Variants in KIF13B observed in about 807,000 individuals in gnomAD.
KIF13B encodes the protein kinesin-like protein KIF13B.
KIF13B carries 127 observed loss-of-function variants against 222.0 expected under a neutral mutation model. The ratio of observed to expected loss-of-function variants is 0.57; its 90% CI spans 0.50 to 0.66. The LOEUF is 0.66. KIF13B is among the 30% of genes least tolerant of loss of function. KIF13B has a pLI of 0.00. For synonymous variants in KIF13B, 976 were observed against 919.0 expected, an observed-to-expected ratio of 1.06 and a Z score of -1.12; for missense variants, 2,173 against 2,379.0, an observed-to-expected ratio of 0.91 and a Z score of 1.80.
At chr8:29,172,940 T>C (rs531021905) in intron 10 of KIF13B, among the ~76,000 whole-genome samples, 1 of 148,762 alleles carries the variant, frequency 6.7e-6, no homozygotes, top group Admixed American at 6.7e-5. Context: ...TTTGAGAGGG[T>C]TGTCTTACTC....
chr8:29,235,756 T>A (rs1160201357), intron 2 of KIF13B, among the ~76,000 whole-genome samples: 1 of 152,170 alleles, frequency 6.6e-6, no homozygotes, highest in Non-Finnish European at 1.5e-5. Flanking sequence ...TGCTCTAGAT[T>A]TGAAAGAGAT....
intron 35 of KIF13B, among the ~76,000 whole-genome samples, chr8:29,106,087 T>A (rs1043202051): frequency 8.5e-5 from 13 of 152,194 alleles, no homozygotes; most frequent in African/African-American, 3.1e-4. Flanking sequence ...GATATTTTAC[T>A]TACATTAAAA....
At chr8:29,178,426 C>T (rs1812572373) in intron 8 of KIF13B, among the ~76,000 whole-genome samples, 1 of 151,994 alleles carries the variant, frequency 6.6e-6, no homozygotes, top group Admixed American at 6.5e-5. Flanking sequence ...ATATTATATA[C>T]ATACAGATAC....
In KIF13B at chr8:29,109,950, C is replaced by G. The variant is rs1395919144; in HGVS notation, c.4051G>C (p.Glu1351Gln). Residue 1351 changes from glutamate (E) to glutamine (Q), a missense_variant, in exon 33 of 40, where the codon GAA becomes CAA. Physicochemically the swap from Glu to Gln is conservative, Grantham distance 29 (BLOSUM62 2). Around this residue, in one of 2 missense-constraint regions of KIF13B, gnomAD observed 1,480 missense variants for 1,722.8 expected, o/e 0.86. Transcript: ENST00000524189. ...EKYLRSVLAV[E>Q]NLLTLDRLRQ... ...AGACGATCTAAAGTCAGGAGGTTTT[C>G]TACAGCCAGCACGCTCCTGAGGTAC... 1 of 1,613,560 alleles carries G rather than the reference C, an allele frequency of 6.2e-7. No individual in the cohort carries two copies. Among genetic ancestry groups the G allele is most frequent in the Middle Eastern group, 1.7e-4 (1 of 6,042 alleles).
At chr8:29,195,879 G>C (rs1184181386) in intron 3 of KIF13B, among the ~76,000 whole-genome samples, 1 of 152,224 alleles carries the variant, frequency 6.6e-6, no homozygotes, top group African/African-American at 2.4e-5. Flanking sequence ...GGAGCAGAGA[G>C]GATGAGTCGG....
Position 29,191,064 on chromosome 8 carries a change from A to G in KIF13B, c.163-7T>C, listed in dbSNP as rs114403799. ...AATGATCATAAGCAAACACCTGTTG[A>G]AAATGAACATAAGTGTGTGTTAAGA... On this transcript the variant is annotated splice_polypyrimidine_tract_variant and splice_region_variant and intron_variant, in intron 3 of 39. Transcript: ENST00000524189. 1,111 of 1,604,032 alleles carry G rather than the reference A, an allele frequency of 6.9e-4. 3 individuals carry two copies. The African/African-American group carries it at 0.012, about 17-fold the overall frequency.
chr8:29,173,630 A>AG (rs1253831532), intron 10 of KIF13B, among the ~76,000 whole-genome samples: 1 of 151,808 alleles, frequency 6.6e-6, no homozygotes, highest in Non-Finnish European at 1.5e-5. Context: ...CAAAAAAAAA[A>AG]AGACTTCTTC....
chr8:29,168,462 T>C (rs985161329), intron 10 of KIF13B, among the ~76,000 whole-genome samples: 10 of 152,252 alleles, frequency 6.6e-5, no homozygotes, highest in African/African-American at 2.2e-4. Flanking sequence ...TCTGCTTCCC[T>C]TGAGGGTGGC....
chr8:29,133,458 G>A (rs1190223085), intron 22 of KIF13B, among the ~76,000 whole-genome samples: 2 of 152,184 alleles, frequency 1.3e-5, no homozygotes, highest in Non-Finnish European at 2.9e-5. Context: ...GCGCATGGTG[G>A]CAAGCACCTG....
At chr8:29,168,284 G>A (rs1023356367) in intron 10 of KIF13B, among the ~76,000 whole-genome samples, 4 of 152,190 alleles carry the variant, frequency 2.6e-5, no homozygotes, top group South Asian at 2.1e-4. Context: ...CTTTAGGACC[G>A]ACTGGCTTCC....
chr8:29,190,492 T>C (rs4732916), intron 4 of KIF13B: 134,873 of 157,874 alleles, frequency 0.85, 58,299 homozygotes, highest in Non-Finnish European at 0.9. Flanking sequence ...CCCTTCCAGA[T>C]CTCACCCTCT....
intron 12 of KIF13B, among the ~76,000 whole-genome samples, chr8:29,164,711 A>C (rs926714443): frequency 2.0e-5 from 3 of 152,168 alleles, no homozygotes; most frequent in Non-Finnish European, 4.4e-5. Context: ...ACATTACCAT[A>C]TGTATTTCTA....
At chr8:29,142,725 G>T (rs180864766) in intron 18 of KIF13B, among the ~76,000 whole-genome samples, 23 of 152,246 alleles carry the variant, frequency 1.5e-4, no homozygotes, top group African/African-American at 5.5e-4. Flanking sequence ...TGTAATGCCA[G>T]CTACTTGGGA....
At position 29,224,282 on chromosome 8, in the gene KIF13B, C is replaced by T. The variant is rs1376752094; in HGVS notation, c.149+21064G>A. Among the ~76,000 whole-genome samples, 7 of 152,162 alleles carry T rather than the reference C, an allele frequency of 4.6e-5. No individual in the cohort carries two copies. The East Asian group carries it at 9.6e-4, about 21-fold the overall frequency. On this transcript the variant is annotated intron_variant, in intron 2 of 39. Transcript: ENST00000524189. ...CCTCCCAAAGTGCTGGAATTACAGG[C>T]GTGAGCCACCGCGCCCGGCCTCAGT...
intron 8 of KIF13B, among the ~76,000 whole-genome samples, chr8:29,179,508 T>C (rs547010840): frequency 6.6e-6 from 1 of 152,000 alleles, no homozygotes; most frequent in South Asian, 2.1e-4. Flanking sequence ...TCGGTGCACT[T>C]AACTTCTGCT....
chr8:29,125,021 G>A (rs916226578), intron 26 of KIF13B, among the ~76,000 whole-genome samples: 1 of 152,194 alleles, frequency 6.6e-6, no homozygotes, highest in African/African-American at 2.4e-5. Context: ...CTGCACTATG[G>A]TCTGGGTGGT....
chr8:29,181,686 A>C (rs889554389), intron 7 of KIF13B, among the ~76,000 whole-genome samples: 7 of 152,188 alleles, frequency 4.6e-5, no homozygotes, highest in Non-Finnish European at 1.0e-4. Flanking sequence ...TTCCAAACCC[A>C]CTTTAGATTC....
chr8:29,126,234 C>T (rs1030339751), intron 26 of KIF13B, among the ~76,000 whole-genome samples: 2 of 152,176 alleles, frequency 1.3e-5, no homozygotes, highest in Non-Finnish European at 2.9e-5. Flanking sequence ...AACGGATCTT[C>T]AGGGAGCCTG....
At position 29,150,355 on chromosome 8, in the gene KIF13B, TG is replaced by T; in HGVS notation, c.1563del (p.Ser522ValfsTer41). 1 of 1,588,058 alleles carries T rather than the reference TG, an allele frequency of 6.3e-7. No individual in the cohort carries two copies. The highest frequency in any genetic ancestry group is 8.6e-7 in the Non-Finnish European group (1 of 1,159,174). On this transcript the variant is annotated frameshift_variant, in exon 15 of 40. Coordinates refer to ENST00000524189, the MANE Select transcript of KIF13B (RefSeq NM_015254.4). LOFTEE classifies it high-confidence loss of function. ...TCCCCATGGTGTAGCTGTATTGGAC[TG>T]GAGACAGATGACCCATTTACAAATG... Reference protein sequence around the residue: ...TRTFVNGSSVSSPIQLHHGDR... With the variant: ...TRTFVNGSSVXSPIQLHHGDR...
Sources: gnomAD v4.1 joint callset for allele counts (sites outside exome capture counted in the v4.1 genomes callset) on GRCh38, gnomAD v4.1.1 for gene constraint, gnomAD v4.1.1 regional missense constraint, MANE v1.5 for transcripts, NCBI Gene and HGNC (gene_info 2026-07-23, HGNC 2026-07-21) for gene names.